Variants in TMEM67 observed in about 807,000 individuals in gnomAD.
The protein encoded by TMEM67 is transmembrane protein 67.
A neutral mutation model predicts 136.6 loss-of-function variants in TMEM67; 124 were observed. That is an observed-to-expected ratio of 0.91 (90% CI 0.78 to 1.05). The LOEUF (loss-of-function observed/expected upper bound fraction) is 1.05, where lower values mean the gene tolerates loss of function less well. Among genes scored for constraint, TMEM67 ranks in the 50% least tolerant of loss-of-function variants. The probability of loss-of-function intolerance (pLI) is 0.00; values close to 1 mark genes in which losing one functional copy is unlikely to be tolerated. For missense variants in TMEM67, 1,107 were observed against 1,178.4 expected, an observed-to-expected ratio of 0.94 and a Z score of 0.89; for synonymous variants, 364 against 390.5, an observed-to-expected ratio of 0.93 and a Z score of 0.80.
intron 7 of TMEM67, among the ~76,000 whole-genome samples, chr8:93,773,855 GTTC>G (rs1176977106): frequency 8.6e-5 from 13 of 151,894 alleles, no homozygotes; most frequent in African/African-American, 2.4e-4. Flanking sequence ...TTTTTCCTTA[GTTC>G]TTCTTTCAGT....
At chr8:93,782,098 T>A (rs1813862440) in intron 10 of TMEM67, among the ~76,000 whole-genome samples, 1 of 152,162 alleles carries the variant, frequency 6.6e-6, no homozygotes, top group African/African-American at 2.4e-5. Flanking sequence ...GTACTTTTAG[T>A]AGAGACGGGA....
At chr8:93,779,785 T>C (rs1409303843) in intron 7 of TMEM67, among the ~76,000 whole-genome samples, 1 of 152,188 alleles carries the variant, frequency 6.6e-6, no homozygotes, top group African/African-American at 2.4e-5. Flanking sequence ...GAGGTGTCTG[T>C]CGGCCCCTAC....
the TMEM67 span, among the ~76,000 whole-genome samples, chr8:93,830,398 A>G: frequency 6.6e-6 from 1 of 152,294 alleles, no homozygotes; most frequent in Admixed American, 6.5e-5. Flanking sequence ...CAACCCAAAG[A>G]GTGGTTGTAG....
chr8:93,785,959 A>G (rs1036824827), intron 12 of TMEM67: 4 of 436,080 alleles, frequency 9.2e-6, no homozygotes, highest in African/African-American at 8.0e-5. Context: ...AGTCCCAGCT[A>G]CTCTGGAGGC....
chr8:93,807,588 C>T (rs191268370), intron 23 of TMEM67, among the ~76,000 whole-genome samples: 2 of 151,890 alleles, frequency 1.3e-5, no homozygotes, highest in East Asian at 3.9e-4. Flanking sequence ...ATCTATATTT[C>T]TGGGTGTTGA....
rs187430663 is a variant in TMEM67, at chr8:93,766,111, T to G, written c.651+465T>G. Among the ~76,000 whole-genome samples, 13 of 152,150 alleles carry G rather than the reference T, an allele frequency of 8.5e-5. No individual in the cohort carries two copies. In the East Asian group the frequency reaches 2.5e-3, roughly 29 times the overall value. On this transcript the variant is annotated intron_variant, in intron 6 of 27. Transcript: ENST00000453321. ...CAGGATTATTCTTATTTGGCCAGAT[T>G]TTTCCTTTTTTTTTTATTTTATTTT...
In TMEM67 at chr8:93,754,962, C is replaced by T; in HGVS notation, c.48C>T (p.Leu16=). 4 of 1,614,184 alleles carry T rather than the reference C, an allele frequency of 2.5e-6. No individual in the cohort carries two copies. Among genetic ancestry groups the T allele is most frequent in the Non-Finnish European group, 3.4e-6 (4 of 1,180,030 alleles). ...GAGVAMAVWS[L]LSARAVTAFL... ...GGGTGGCAATGGCGGTTTGGTCCCT[C>T]TTATCCGCCCGGGCCGTGACCGCGT... Residue 16 remains leucine (L), a synonymous_variant, in exon 1 of 28, where the codon CTC becomes CTT. Transcript: ENST00000453321.
rs542209524 is a variant in TMEM67 at position 93,765,491 on chromosome 8, T to C, written c.576+16T>C. On this transcript the variant is annotated intron_variant, in intron 5 of 27. Coordinates refer to ENST00000453321, the MANE Select transcript of TMEM67 (RefSeq NM_153704.6). ...TAACATTTTAGTAAGGCTAACCAAATTGATAAAGTATATATATTTTTAATT... is the reference window on the plus strand; with the variant it reads ...TAACATTTTAGTAAGGCTAACCAAACTGATAAAGTATATATATTTTTAATT... The C allele has an allele frequency of 1.2e-5, 19 of 1,609,072 alleles. No individual in the cohort carries two copies. The highest frequency in any genetic ancestry group is 1.4e-5 in the Non-Finnish European group (17 of 1,176,422).
At chr8:93,829,484 T>C in the TMEM67 span, among the ~76,000 whole-genome samples, 1 of 152,116 alleles carries the variant, frequency 6.6e-6, no homozygotes, top group Non-Finnish European at 1.5e-5. Context: ...TCCTGCTCAC[T>C]GGATCTACTC....
At chr8:93,807,659 CA>C (rs1177035494) in intron 23 of TMEM67, among the ~76,000 whole-genome samples, 1 of 151,664 alleles carries the variant, frequency 6.6e-6, no homozygotes, top group Non-Finnish European at 1.5e-5. Flanking sequence ...AAATTTTCTG[CA>C]ATGGCATGAA....
chr8:93,808,220 A>AAT (rs928224824), intron 23 of TMEM67, among the ~76,000 whole-genome samples: 1 of 146,948 alleles, frequency 6.8e-6, no homozygotes, highest in Non-Finnish European at 1.5e-5. Context: ...TCTACCTAAA[A>AAT]ATATATATAT....
At chr8:93,802,655 C>T (rs549258865) in intron 21 of TMEM67, among the ~76,000 whole-genome samples, 3 of 152,332 alleles carry the variant, frequency 2.0e-5, no homozygotes, top group Non-Finnish European at 4.4e-5. Context: ...TAATTGTTCA[C>T]TCCTTTTATT....
At position 93,808,925 on chromosome 8, in the gene TMEM67, A is replaced by G. The variant is rs778228298; in HGVS notation, c.2525A>G (p.His842Arg). Residue 842 changes from histidine to arginine, a missense_variant, in exon 24 of 28, where the codon CAT becomes CGT. Physicochemically the swap from His to Arg is conservative, Grantham distance 29 (BLOSUM62 0). Around this residue, in one of 3 missense-constraint regions of TMEM67, gnomAD observed 925 missense variants for 1,002.4 expected, o/e 0.92. Transcript: ENST00000453321. ...GCAATTTCTAACCAGATGAGACAAC[A>G]TTATGACAGAATTCATGAGACACTA... ...EIAISNQMRQ[H>R]YDRIHETLIR... 2 of 1,611,540 alleles carry G rather than the reference A, an allele frequency of 1.2e-6. No individual in the cohort carries two copies. Among genetic ancestry groups the G allele is most frequent in the East Asian group, 2.2e-5 (1 of 44,762 alleles).
intron 4 of TMEM67, among the ~76,000 whole-genome samples, chr8:93,765,085 G>A (rs1813022810): frequency 6.6e-6 from 1 of 151,920 alleles, no homozygotes; most frequent in African/African-American, 2.4e-5. Flanking sequence ...GTAAAAATTG[G>A]GTTTCATTTA....
intron 16 of TMEM67, among the ~76,000 whole-genome samples, chr8:93,794,536 C>T (rs933315716): frequency 6.6e-6 from 1 of 152,150 alleles, no homozygotes; most frequent in Non-Finnish European, 1.5e-5. Context: ...TTTTGCAACT[C>T]AGTAATAGGT....
In TMEM67 at chr8:93,786,274, C is replaced by T. The variant is rs1338496563; in HGVS notation, c.1340C>T (p.Ala447Val). The T allele has an allele frequency of 1.1e-5, 17 of 1,613,780 alleles. No individual in the cohort carries two copies. Among genetic ancestry groups the T allele is most frequent in the Non-Finnish European group, 1.4e-5 (16 of 1,179,766 alleles). The change falls in exon 13 of 28, where the codon GCA becomes GTA. Residue 447 changes from alanine to valine, a missense_variant. This residue lies in a region of TMEM67 where 925 missense variants were observed against 1,002.4 expected (regional missense o/e 0.92). Transcript: ENST00000453321. ...LLTRRIFLVDAVSGRENDLGT... is the reference protein window; with the variant it reads ...LLTRRIFLVDVVSGRENDLGT... The stretch of plus-strand genomic sequence containing the variant: ...ACTCGGCGCATTTTCTTAGTGGATG[C>T]AGTAAGTGGACGAGAAAATGACTTA...
intron 11 of TMEM67, 112 bp downstream of exon 11, chr8:93,782,572 T>G (rs1012584221): frequency 1.1e-4 from 21 of 197,216 alleles, no homozygotes; most frequent in Non-Finnish European, 1.6e-4. Context: ...TTATTCTTGG[T>G]TTTTTTTTTT....
downstream of TMEM67, among the ~76,000 whole-genome samples, chr8:93,824,091 A>G (rs529642671): frequency 3.4e-4 from 52 of 152,324 alleles, no homozygotes; most frequent in Admixed American, 2.7e-3. Flanking sequence ...AGCTGCTCTC[A>G]TTGTGAGGAG....
In TMEM67 at chr8:93,808,826, C is replaced by G; in HGVS notation, c.2440-14C>G. On this transcript the variant is annotated splice_polypyrimidine_tract_variant and intron_variant, in intron 23 of 27. Coordinates refer to ENST00000453321, the MANE Select transcript of TMEM67 (RefSeq NM_153704.6). ...TATAATTTTGATCTTAACTTAAATTCTTTAACTTTTCAGGAAAATTTGTGT... is the reference window on the plus strand; with the variant it reads ...TATAATTTTGATCTTAACTTAAATTGTTTAACTTTTCAGGAAAATTTGTGT... The G allele has an allele frequency of 6.5e-7, 1 of 1,541,490 alleles. No individual in the cohort carries two copies. Among genetic ancestry groups the G allele is most frequent in the East Asian group, 2.3e-5 (1 of 44,394 alleles).
Sources: allele counts gnomAD v4.1 joint callset (sites outside exome capture counted in the v4.1 genomes callset), GRCh38; gene constraint gnomAD v4.1.1; regional missense constraint gnomAD v4.1.1; transcripts MANE v1.5; gene names NCBI Gene and HGNC (gene_info 2026-07-23, HGNC 2026-07-21).